The following RPS6KA2 variants were observed in gnomAD, a reference collection of about 807,000 sequenced individuals.
The protein encoded by RPS6KA2 is ribosomal protein S6 kinase A2.
A neutral mutation model predicts 91.8 loss-of-function variants in RPS6KA2; 42 were observed. That is an observed-to-expected ratio of 0.46 (90% CI 0.36 to 0.59). The LOEUF (loss-of-function observed/expected upper bound fraction) is 0.59. RPS6KA2 is among the 20% of genes least tolerant of loss of function. The pLI is 0.00. For missense variants in RPS6KA2, 798 were observed against 978.5 expected, an observed-to-expected ratio of 0.82 and a Z score of 2.46; for synonymous variants, 414 against 393.6, an observed-to-expected ratio of 1.05 and a Z score of -0.61.
At chr6:166,572,339 G>A (rs1784713858) in intron 1 of RPS6KA2, among the ~76,000 whole-genome samples, 1 of 152,318 alleles carries the variant, frequency 6.6e-6, no homozygotes, top group East Asian at 1.9e-4. Context: ...AAACATGAAC[G>A]ATTACTAATT....
chr6:166,656,130 C>T (rs984285011), intron 2 of RPS6KA2, among the ~76,000 whole-genome samples: 2 of 152,192 alleles, frequency 1.3e-5, no homozygotes, highest in Non-Finnish European at 2.9e-5. Context: ...GGAAGCTCAC[C>T]GAGAGCTTCT....
intron 2 of RPS6KA2, among the ~76,000 whole-genome samples, chr6:166,813,388 T>A (rs541830900): frequency 2.0e-5 from 3 of 152,350 alleles, no homozygotes; most frequent in African/African-American, 4.8e-5. Flanking sequence ...TGATTATGTC[T>A]AACTTTAATG....
chr6:166,437,004 T>C lies in RPS6KA2; in HGVS notation c.1333-4514A>G, dbSNP rs930563259. 1.3e-5 allele frequency among the ~76,000 whole-genome samples: 2 copies of C among 152,304 alleles called. No homozygotes were observed. The highest frequency in any genetic ancestry group is 2.9e-5 in the Non-Finnish European group (2 of 68,030). ...GCTGTCAGGAAGTGCTGGCTGCTTT[T>C]CCCTGTAACTTTTTCTGAAAAAAAA... On this transcript the variant is annotated intron_variant, in intron 14 of 20. Transcript: ENST00000265678. The surrounding 1 kb of genome is among the most constrained non-coding windows in gnomAD (Gnocchi z 4.3).
At chr6:166,684,603 T>C (rs73259098) in intron 2 of RPS6KA2, among the ~76,000 whole-genome samples, 12,300 of 152,118 alleles carry the variant, frequency 0.081, 1,533 homozygotes, top group African/African-American at 0.27. Flanking sequence ...AGACCAAAGG[T>C]GGGGTCTCAC....
chr6:166,470,595 T>C (rs1236394185), intron 10 of RPS6KA2, among the ~76,000 whole-genome samples: 1 of 152,124 alleles, frequency 6.6e-6, no homozygotes, highest in African/African-American at 2.4e-5. Flanking sequence ...TGGGGGCCCT[T>C]TCAGGCAGCA....
At chr6:166,761,207 G>A (rs1778161432) in intron 2 of RPS6KA2, among the ~76,000 whole-genome samples, 1 of 152,110 alleles carries the variant, frequency 6.6e-6, no homozygotes. Context: ...ACCGCACCCG[G>A]CTAAATTTTG....
intron 2 of RPS6KA2, among the ~76,000 whole-genome samples, chr6:166,694,810 A>T (rs1374587562): frequency 1.3e-5 from 2 of 152,250 alleles, no homozygotes; most frequent in African/African-American, 4.8e-5. Context: ...TGAGAGAGAA[A>T]GAGAGTAATT....
intron 1 of RPS6KA2, among the ~76,000 whole-genome samples, chr6:166,620,730 C>G (rs973115549): frequency 1.3e-5 from 2 of 152,250 alleles, no homozygotes; most frequent in Admixed American, 1.3e-4. Context: ...CAAGTGCAAG[C>G]TGTCCTGACA....
At chr6:166,660,394 G>A (rs200269278) in intron 2 of RPS6KA2, among the ~76,000 whole-genome samples, 36,208 of 146,790 alleles carry the variant, frequency 0.25, 4,318 homozygotes, top group East Asian at 0.34. Context: ...ATGGGCATGC[G>A]TGCGTGTGTG....
At position 166,508,283 on chromosome 6, in the gene RPS6KA2, C is replaced by T; in HGVS notation, c.380-1G>A. 1 of 1,607,634 alleles carries T rather than the reference C, an allele frequency of 6.2e-7. No homozygotes were observed. The highest frequency in any genetic ancestry group is 8.5e-7 in the Non-Finnish European group (1 of 1,174,186). ...TAGAGCTTTCCTTCCGTCTGAAAGG[C>T]TGTGGGGGACAGAGACCCGCATTTT... On this transcript the variant is annotated splice_acceptor_variant, in intron 4 of 20. Transcript: ENST00000265678. LOFTEE classifies it high-confidence loss of function. The surrounding 1 kb of genome is among the most constrained non-coding windows in gnomAD (Gnocchi z 4.3).
intron 2 of RPS6KA2, among the ~76,000 whole-genome samples, chr6:166,819,377 G>T (rs1278297647): frequency 1.3e-5 from 2 of 152,088 alleles, no homozygotes; most frequent in African/African-American, 2.4e-5. Flanking sequence ...GTCTGTTGGG[G>T]ATTGGTTCCA....
In RPS6KA2 at chr6:166,648,164, G is replaced by GCGCACACATA. The variant is rs1554242181; in HGVS notation, c.124-109381_124-109380insTATGTGTGCG. On this transcript the variant is annotated intron_variant, in intron 2 of 21. Coordinates refer to the RPS6KA2 transcript ENST00000503859. The surrounding 1 kb of genome is among the most constrained non-coding windows in gnomAD (Gnocchi z 4.8). ...CACACGCACATGGTTACACACCCAT[G>GCGCACACATA]CACACATGCTCACACACATGCACAC... Among the ~76,000 whole-genome samples the GCGCACACATA allele has an allele frequency of 1.2e-4, 14 of 119,924 alleles. No individual in the cohort carries two copies. The highest frequency in any genetic ancestry group is 4.3e-4 in the African/African-American group (14 of 32,932). The allele number at this position is 119,924 out of a possible 152,430, so 78.7% of individuals were successfully genotyped here. A position where few individuals can be genotyped will look rare whatever the true frequency, so the allele number is the denominator to read the frequency against.
intron 1 of RPS6KA2, among the ~76,000 whole-genome samples, chr6:166,576,060 A>T (rs140127525): frequency 6.6e-6 from 1 of 152,160 alleles, no homozygotes; most frequent in East Asian, 1.9e-4. Flanking sequence ...GTCTCAGGAG[A>T]TGTGATGGGT....
At chr6:166,583,211 C>G (rs1785072851) in intron 1 of RPS6KA2, among the ~76,000 whole-genome samples, 1 of 152,206 alleles carries the variant, frequency 6.6e-6, no homozygotes, top group Non-Finnish European at 1.5e-5. Flanking sequence ...GCTAAAAGTG[C>G]TGAATTCTTG....
chr6:166,799,653 C>T (rs1183887282), intron 2 of RPS6KA2, among the ~76,000 whole-genome samples: 1 of 150,836 alleles, frequency 6.6e-6, no homozygotes, highest in African/African-American at 2.4e-5. Flanking sequence ...TGGATTCCAG[C>T]GGAAACACTT....
At position 166,459,377 on chromosome 6, in the gene RPS6KA2, G is replaced by C. The variant is rs1780199212; in HGVS notation, c.1075+72C>G. 1 of 871,476 alleles carries C rather than the reference G, an allele frequency of 1.1e-6. No individual in the cohort carries two copies. The highest frequency in any genetic ancestry group is 2.6e-5 in the East Asian group (1 of 38,900). 54.0% of individuals were successfully genotyped at this position (871,476 alleles called of 1,614,324 possible). On this transcript the variant is annotated intron_variant, in intron 12 of 20. Coordinates refer to ENST00000265678, the MANE Select transcript of RPS6KA2 (RefSeq NM_021135.6). The surrounding 1 kb of genome is among the most constrained non-coding windows in gnomAD (Gnocchi z 4.9). ...GAATTCTGAGGCATGGGAATTTCTTGTTCCTAGATATCTGTCTCTAAGGGG... is the reference window on the plus strand; with the variant it reads ...GAATTCTGAGGCATGGGAATTTCTTCTTCCTAGATATCTGTCTCTAAGGGG...
chr6:166,790,949 C>G (rs1409670351), intron 2 of RPS6KA2, among the ~76,000 whole-genome samples: 1 of 152,204 alleles, frequency 6.6e-6, no homozygotes, highest in African/African-American at 2.4e-5. Context: ...GAAGAAACTA[C>G]ATCAACTAAC....
intron 2 of RPS6KA2, among the ~76,000 whole-genome samples, chr6:166,790,123 T>TA (rs2128613661): frequency 6.6e-6 from 1 of 152,044 alleles, no homozygotes; most frequent in South Asian, 2.1e-4. Flanking sequence ...AAAAAAAAAT[T>TA]AGACGAATGG....
intron 10 of RPS6KA2, among the ~76,000 whole-genome samples, chr6:166,473,823 C>T (rs1436583518): frequency 6.6e-6 from 1 of 152,170 alleles, no homozygotes; most frequent in South Asian, 2.1e-4. Flanking sequence ...TCCTAACCAG[C>T]CCACCATGTC....
Sources: allele counts gnomAD v4.1 joint callset (sites outside exome capture counted in the v4.1 genomes callset), GRCh38; gene constraint gnomAD v4.1.1; non-coding constraint Gnocchi (gnomAD v3.1); transcripts MANE v1.5; gene names NCBI Gene and HGNC (gene_info 2026-07-23, HGNC 2026-07-21).